Variants in PDE3A observed in about 807,000 individuals in gnomAD.
The protein encoded by PDE3A is cGMP-inhibited 3',5'-cyclic phosphodiesterase 3A.
Under a neutral mutation model 98.3 loss-of-function variants are expected in PDE3A, and 43 were observed. The observed-to-expected ratio is 0.44, with a 90% CI of 0.34 to 0.56. PDE3A has a LOEUF of 0.56. Ranked by LOEUF, PDE3A falls within the 20% of genes least tolerant of loss-of-function variation. PDE3A has a pLI of 0.01. For synonymous variants in PDE3A, 663 were observed against 567.9 expected, an observed-to-expected ratio of 1.17 and a Z score of -2.38; for missense variants, 1,427 against 1,440.7, an observed-to-expected ratio of 0.99 and a Z score of 0.15.
At chr12:20,601,737 C>T (rs7974381) in intron 2 of PDE3A, among the ~76,000 whole-genome samples, 144,014 of 152,070 alleles carry the variant, frequency 0.95, 68,583 homozygotes, top group East Asian at 1. Flanking sequence ...TTTCTACCAG[C>T]AGACTTATGT....
intron 1 of PDE3A, among the ~76,000 whole-genome samples, chr12:20,406,210 C>G (rs1035321933): frequency 6.6e-6 from 1 of 152,164 alleles, no homozygotes; most frequent in Non-Finnish European, 1.5e-5. Flanking sequence ...GCAGATATCT[C>G]TGTGACATGC....
intron 1 of PDE3A, among the ~76,000 whole-genome samples, chr12:20,539,622 C>T (rs1233136704): frequency 5.9e-5 from 9 of 151,940 alleles, no homozygotes; most frequent in Admixed American, 3.3e-4. Flanking sequence ...GCTCAGTAAA[C>T]GTTTGTGTTG....
chr12:20,496,545 C>T (rs1009574341), intron 1 of PDE3A, among the ~76,000 whole-genome samples: 4 of 152,086 alleles, frequency 2.6e-5, no homozygotes, highest in South Asian at 2.1e-4. Flanking sequence ...CGCAACACCC[C>T]GAATTCTCTC....
At chr12:20,571,084 G>A (rs1592068069) in intron 2 of PDE3A, among the ~76,000 whole-genome samples, 3 of 152,052 alleles carry the variant, frequency 2.0e-5, no homozygotes, top group Non-Finnish European at 2.9e-5. Context: ...ATTGGATTTC[G>A]GTACTTAAAG....
chr12:20,556,718 TCTTTTC>T lies in PDE3A; in HGVS notation c.1011+15_1011+20del. The T allele has an allele frequency of 5.0e-6, 8 of 1,601,616 alleles. No individual in the cohort carries two copies. The highest frequency in any genetic ancestry group is 6.8e-6 in the Non-Finnish European group (8 of 1,168,784). On this transcript the variant is annotated intron_variant, in intron 2 of 15. Transcript: ENST00000359062. Reference sequence around the variant, plus strand: ...GGGCCAAGAGGATCACAGGTAAGTTTCTTTTCCTTTTCTTTTTCACGTTTCGTTTCG... The same window carrying T: ...GGGCCAAGAGGATCACAGGTAAGTTTCTTTTCTTTTTCACGTTTCGTTTCG...
intron 1 of PDE3A, among the ~76,000 whole-genome samples, chr12:20,499,605 T>G (rs1945984303): frequency 6.6e-6 from 1 of 152,220 alleles, no homozygotes; most frequent in Non-Finnish European, 1.5e-5. Flanking sequence ...TAAGATCCAG[T>G]AATAATGTCA....
intron 1 of PDE3A, among the ~76,000 whole-genome samples, chr12:20,439,756 A>C (rs1412755742): frequency 6.6e-6 from 1 of 152,144 alleles, no homozygotes; most frequent in East Asian, 1.9e-4. Flanking sequence ...TATAACTTTA[A>C]AAAGAAAATG....
At chr12:20,422,641 T>C (rs76583679) in intron 1 of PDE3A, among the ~76,000 whole-genome samples, 3,986 of 152,266 alleles carry the variant, frequency 0.026, 189 homozygotes, top group African/African-American at 0.09. Context: ...AAAGTCACAT[T>C]CTAAAATGTA....
chr12:20,673,019 C>T (rs1457791858), intron 15 of PDE3A, among the ~76,000 whole-genome samples: 2 of 151,346 alleles, frequency 1.3e-5, no homozygotes, highest in South Asian at 2.1e-4. Flanking sequence ...AACAAACAAC[C>T]CCATCAAAAA....
intron 7 of PDE3A, 131 bp from the exon 8 acceptor site, chr12:20,634,771 C>A: frequency 1.5e-6 from 1 of 675,862 alleles, no homozygotes; most frequent in Non-Finnish European, 2.6e-6. Flanking sequence ...ATCCTATGTT[C>A]TTGGAGTGCT....
intron 15 of PDE3A, among the ~76,000 whole-genome samples, chr12:20,676,665 A>G (rs952104768): frequency 6.6e-6 from 1 of 151,798 alleles, no homozygotes; most frequent in African/African-American, 2.4e-5. Context: ...ATGCCTGGCT[A>G]ATTTTTTGTA....
chr12:20,477,169 G>A (rs979232110), intron 1 of PDE3A, among the ~76,000 whole-genome samples: 2 of 152,168 alleles, frequency 1.3e-5, no homozygotes, highest in African/African-American at 4.8e-5. Context: ...GGAAAGACAT[G>A]TTTGTGATGT....
chr12:20,498,227 A>G (rs952979134), intron 1 of PDE3A, among the ~76,000 whole-genome samples: 18 of 152,132 alleles, frequency 1.2e-4, no homozygotes, highest in African/African-American at 4.3e-4. Context: ...CCCAAGTCTC[A>G]TAGATTGGTG....
At chr12:20,661,361 C>A (rs934397212) in intron 15 of PDE3A, among the ~76,000 whole-genome samples, 1 of 152,174 alleles carries the variant, frequency 6.6e-6, no homozygotes, top group Non-Finnish European at 1.5e-5. Context: ...AAGAAAATCC[C>A]ATTTTGTGAG....
At chr12:20,621,255 T>C (rs1167584539) in intron 4 of PDE3A, 41 bp from the exon 5 acceptor site, 1 of 1,114,230 alleles carries the variant, frequency 9.0e-7, no homozygotes, top group South Asian at 1.2e-5. Context: ...ATGAATAATT[T>C]GTTTAATTTT....
At chr12:20,549,284 A>G (rs1400271989) in intron 1 of PDE3A, among the ~76,000 whole-genome samples, 1 of 149,798 alleles carries the variant, frequency 6.7e-6, no homozygotes, top group African/African-American at 2.5e-5. Context: ...TTATCCTTAC[A>G]TCTCCCACTC....
chr12:20,551,792 C>T (rs994465264), intron 1 of PDE3A: 21 of 1,613,892 alleles, frequency 1.3e-5, no homozygotes, highest in Middle Eastern at 1.6e-4. Context: ...AAGATGGCCT[C>T]GGCCACATCG....
intron 2 of PDE3A, among the ~76,000 whole-genome samples, chr12:20,594,731 C>T (rs1011183441): frequency 6.6e-5 from 10 of 152,086 alleles, no homozygotes; most frequent in East Asian, 1.9e-4. Flanking sequence ...GTTGGGGGCT[C>T]GCTTGCAGAA....
intron 15 of PDE3A, among the ~76,000 whole-genome samples, chr12:20,666,165 A>G (rs1448648534): frequency 6.6e-6 from 1 of 151,816 alleles, no homozygotes; most frequent in Non-Finnish European, 1.5e-5. Flanking sequence ...GGGTTTCACC[A>G]TGTTGGCCAG....
Sources: gnomAD v4.1 joint callset for allele counts (sites outside exome capture counted in the v4.1 genomes callset) on GRCh38, gnomAD v4.1.1 for gene constraint, MANE v1.5 for transcripts, NCBI Gene and HGNC (gene_info 2026-07-23, HGNC 2026-07-21) for gene names.